The following COX6B1 variants were observed in gnomAD, a reference collection of about 807,000 sequenced individuals.
The protein encoded by COX6B1 is COX VIb-1.
COX6B1 carries 2 observed loss-of-function variants against 14.0 expected under a neutral mutation model. The ratio of observed to expected loss-of-function variants is 0.14; its 90% CI spans 0.06 to 0.45. The LOEUF (loss-of-function observed/expected upper bound fraction) is 0.45, where lower values mean the gene tolerates loss of function less well. COX6B1 is among the 20% of genes least tolerant of loss of function. The pLI is 0.98. For missense variants in COX6B1, 81 were observed against 114.2 expected (o/e 0.71, Z 1.33); for synonymous variants, 30 against 39.7 (o/e 0.76, Z 0.92).
intron 1 of COX6B1, among the ~76,000 whole-genome samples, chr19:35,649,906 A>G (rs1967806014): frequency 6.6e-6 from 1 of 152,000 alleles, no homozygotes; most frequent in Non-Finnish European, 1.5e-5. Flanking sequence ...ACAGGTGTGA[A>G]CCATTGTGCT....
At chr19:35,653,113 G>T (rs1280062570) in intron 2 of COX6B1, among the ~76,000 whole-genome samples, 1 of 150,638 alleles carries the variant, frequency 6.6e-6, no homozygotes, top group African/African-American at 2.4e-5. Flanking sequence ...GATTACAGTC[G>T]CCTGCCACCA....
chr19:35,658,558 C>A (rs764295921), intron 3 of COX6B1, 36 bp from the exon 4 acceptor site: 14 of 1,591,976 alleles, frequency 8.8e-6, no homozygotes, highest in Non-Finnish European at 1.1e-5. Flanking sequence ...CGTTCAGTTT[C>A]CCCACTGCGG....
intron 3 of COX6B1, among the ~76,000 whole-genome samples, chr19:35,656,610 G>A (rs1026425183): frequency 6.6e-6 from 1 of 151,404 alleles, no homozygotes; most frequent in African/African-American, 2.4e-5. Flanking sequence ...CCTCCCGAGT[G>A]TCTGGGATTA....
At chr19:35,654,377 T>G (rs142980738) in intron 2 of COX6B1, among the ~76,000 whole-genome samples, 194 bp from the exon 3 acceptor site, 1 of 151,956 alleles carries the variant, frequency 6.6e-6, no homozygotes, top group Non-Finnish European at 1.5e-5. Flanking sequence ...TGGTGGCAGG[T>G]GCCTGTAATC....
chr19:35,649,798 G>A (rs1348406286), intron 1 of COX6B1, among the ~76,000 whole-genome samples: 1 of 150,898 alleles, frequency 6.6e-6, no homozygotes. Context: ...TATTTTTTTT[G>A]TAGAGATGAG....
intron 2 of COX6B1, among the ~76,000 whole-genome samples, chr19:35,652,100 G>A (rs1967830940): frequency 1.3e-5 from 2 of 151,348 alleles, no homozygotes; most frequent in South Asian, 4.2e-4. Context: ...TGCAATCTTG[G>A]CTCACTGCAA....
At chr19:35,652,991 C>T (rs1255492455) in intron 2 of COX6B1, among the ~76,000 whole-genome samples, 6 of 126,528 alleles carry the variant, frequency 4.7e-5, no homozygotes, top group South Asian at 2.5e-4. Flanking sequence ...TTTTTTGAGA[C>T]GGAGTCTCGC....
intron 2 of COX6B1, among the ~76,000 whole-genome samples, chr19:35,654,003 T>C (rs1417623404): frequency 6.6e-6 from 1 of 152,150 alleles, no homozygotes; most frequent in Non-Finnish European, 1.5e-5. Flanking sequence ...CATGCCCGGC[T>C]ACCACCGTGT....
intron 3 of COX6B1, among the ~76,000 whole-genome samples, chr19:35,658,391 C>T (rs551376564): frequency 2.0e-5 from 3 of 152,206 alleles, no homozygotes; most frequent in East Asian, 3.9e-4. Flanking sequence ...CCATTACTCT[C>T]CTCCCAGCAT....
intron 3 of COX6B1, among the ~76,000 whole-genome samples, chr19:35,654,908 C>T (rs982884979): frequency 1.3e-5 from 2 of 152,186 alleles, no homozygotes; most frequent in Non-Finnish European, 2.9e-5. Context: ...CTAGATGTAG[C>T]TCACTCATGC....
intron 2 of COX6B1, among the ~76,000 whole-genome samples, chr19:35,652,579 C>T (rs1004443751): frequency 1.3e-5 from 2 of 151,504 alleles, no homozygotes; most frequent in Non-Finnish European, 2.9e-5. Context: ...GGATTACAGG[C>T]ACCCGCCACC....
chr19:35,650,005 A>AT (rs34904202), intron 1 of COX6B1, among the ~76,000 whole-genome samples: 12,421 of 143,774 alleles, frequency 0.086, 566 homozygotes, highest in South Asian at 0.13. Flanking sequence ...TCAAAATTGT[A>AT]TTTTTTTTTT....
chr19:35,654,858 A>G lies in COX6B1; in HGVS notation c.207+187A>G, dbSNP rs575867224. ...TGTCTCCTTCTGCTGATGCCTCTCA[A>G]CCAGTCAGGGCTCTCAGCTGAGGCG... On this transcript the variant is annotated intron_variant, in intron 3 of 3. Transcript: ENST00000649813. Among the ~76,000 whole-genome samples, 8 of 152,212 alleles carry G rather than the reference A, an allele frequency of 5.3e-5. No homozygotes were observed. The East Asian group carries it at 1.5e-3, about 29-fold the overall frequency.
At chr19:35,657,650 A>ATTT (rs1192141047) in intron 3 of COX6B1, among the ~76,000 whole-genome samples, 3,924 of 115,494 alleles carry the variant, frequency 0.034, 142 homozygotes, top group South Asian at 0.098. Context: ...GGGCCTTTTC[A>ATTT]TTTTTTTTTT....
rs543959761 is a variant in COX6B1, at chr19:35,653,092, C to T, written c.107-1479C>T. Among the ~76,000 whole-genome samples the T allele has an allele frequency of 9.9e-5, 15 of 151,378 alleles. No homozygotes were observed. In the South Asian group the frequency reaches 1.7e-3, roughly 17 times the overall value. On this transcript the variant is annotated intron_variant, in intron 2 of 3. Coordinates refer to ENST00000649813, the MANE Select transcript of COX6B1 (RefSeq NM_001863.5). ...CAAGCACTTCTCTGCCTCAGCCTGC[C>T]GAGTAGCTGGGATTACAGTCGCCTG...
Position 35,651,459 on chromosome 19 carries a change from C to T in COX6B1, c.106+110C>T, listed in dbSNP as rs923135180. 31 of 805,572 alleles carry T rather than the reference C, an allele frequency of 3.8e-5. No homozygotes were observed. The South Asian group carries it at 4.5e-4, about 12-fold the overall frequency. The allele number at this position is 805,572 out of a possible 1,614,324, so 49.9% of individuals were successfully genotyped here. On this transcript the variant is annotated intron_variant, in intron 2 of 3. Transcript: ENST00000649813. ...CCCTTTTATTCTGAACATCCTTACT[C>T]TGGAAGGCCCATGCCTCTCATCACC... is the stretch of plus-strand genomic sequence containing the variant.
intron 1 of COX6B1, among the ~76,000 whole-genome samples, chr19:35,649,327 T>G (rs1012789439): frequency 6.6e-6 from 1 of 152,062 alleles, no homozygotes; most frequent in Non-Finnish European, 1.5e-5. Flanking sequence ...TTTTTTTGTT[T>G]TTCTCCTTTT....
At chr19:35,657,422 G>A (rs923478894) in intron 3 of COX6B1, among the ~76,000 whole-genome samples, 3 of 152,002 alleles carry the variant, frequency 2.0e-5, no homozygotes, top group Non-Finnish European at 2.9e-5. Flanking sequence ...AGCTTGTCTC[G>A]CTCACCTGCC....
intron 1 of COX6B1, chr19:35,648,617 A>C (rs1967787820): frequency 2.9e-6 from 1 of 344,370 alleles, no homozygotes; most frequent in African/African-American, 2.2e-5. Flanking sequence ...AATTTATTTA[A>C]CTCTCCCACC....
Sources: gnomAD v4.1 joint callset for allele counts (sites outside exome capture counted in the v4.1 genomes callset) on GRCh38, gnomAD v4.1.1 for gene constraint, MANE v1.5 for transcripts, NCBI Gene and HGNC (gene_info 2026-07-23, HGNC 2026-07-21) for gene names.